The following KANSL2 variants were observed in gnomAD, a reference collection of about 807,000 sequenced individuals.
KANSL2 encodes the protein KAT8 regulatory NSL complex subunit 2.
In KANSL2, 34 loss-of-function variants were observed where a neutral mutation model predicts 55.6. That is an observed-to-expected ratio of 0.61 (90% CI 0.46 to 0.81). The LOEUF is 0.81. Ranked by LOEUF, KANSL2 falls within the 40% of genes least tolerant of loss-of-function variation. The pLI is 0.00. For synonymous variants in KANSL2, 209 were observed against 214.3 expected (o/e 0.98, Z 0.22); for missense variants, 502 against 609.9 (o/e 0.82, Z 1.86).
chr12:48,657,469 T>C (rs931847255), intron 8 of KANSL2, among the ~76,000 whole-genome samples: 7 of 151,982 alleles, frequency 4.6e-5, no homozygotes, highest in Non-Finnish European at 1.0e-4. Context: ...AGCAGAAACA[T>C]AGGGCACAGG....
At chr12:48,656,627 AAAAT>A (rs778642090) in intron 8 of KANSL2, 2 of 405,916 alleles carry the variant, frequency 4.9e-6, no homozygotes, top group African/African-American at 4.2e-5. Flanking sequence ...AAAAAAAAAA[AAAAT>A]GACATTACAT....
chr12:48,660,911 T>G (rs117417705), intron 7 of KANSL2, among the ~76,000 whole-genome samples: 5 of 152,272 alleles, frequency 3.3e-5, no homozygotes, highest in Admixed American at 6.5e-5. Flanking sequence ...CTTAAGCAAG[T>G]AGCAGTAACA....
At chr12:48,655,254 G>A (rs761676876) in intron 8 of KANSL2, among the ~76,000 whole-genome samples, 194 bp from the exon 9 acceptor site, 40 of 152,082 alleles carry the variant, frequency 2.6e-4, no homozygotes, top group Non-Finnish European at 5.0e-4. Context: ...TTGCTGCCAA[G>A]TGTAAAACAT....
chr12:48,658,068 T>TA (rs1205908293), intron 8 of KANSL2, among the ~76,000 whole-genome samples: 2 of 151,404 alleles, frequency 1.3e-5, no homozygotes, highest in East Asian at 2.0e-4. Flanking sequence ...CTGTCTCTAC[T>TA]AAAAATACAA....
chr12:48,681,118 TAAAAAAA>T (rs1057233108), intron 2 of KANSL2: 7 of 131,360 alleles, frequency 5.3e-5, no homozygotes, highest in African/African-American at 1.1e-4. Flanking sequence ...CCATCTCTCT[TAAAAAAA>T]AAAAAAAAAA....
intron 7 of KANSL2, 32 bp downstream of exon 7, chr12:48,667,661 C>G: frequency 6.6e-7 from 1 of 1,516,970 alleles, no homozygotes; most frequent in African/African-American, 1.4e-5. Context: ...AACTAGCAAA[C>G]CACAGCCTTA....
In KANSL2 at chr12:48,669,253, G is replaced by A; in HGVS notation, c.729C>T (p.Gly243=). The A allele has an allele frequency of 1.3e-6, 2 of 1,573,890 alleles. No individual in the cohort carries two copies. The highest frequency in any genetic ancestry group is 1.2e-5 in the South Asian group (1 of 85,294). ...HEALGSSLLT[G]PEGLLAKERE... ...GTTCTTTGGCCAAAAGTCCCTCTGG[G>A]CCAGTCAGGAGACTACTGCCTAGAG... Residue 243 remains glycine, a synonymous_variant, in exon 6 of 10, where the codon GGC becomes GGT. Coordinates refer to ENST00000420613, the MANE Select transcript of KANSL2 (RefSeq NM_017822.4).
At chr12:48,674,913 G>A (rs961741567) in intron 4 of KANSL2, among the ~76,000 whole-genome samples, 4 of 150,122 alleles carry the variant, frequency 2.7e-5, no homozygotes, top group Admixed American at 6.6e-5. Context: ...GCGACAGAAC[G>A]AGACTCTGTC....
intron 2 of KANSL2, chr12:48,680,173 C>T (rs1028835180): frequency 9.8e-5 from 18 of 184,222 alleles, no homozygotes; most frequent in African/African-American, 4.2e-4. Flanking sequence ...GATCCTCCTG[C>T]CTCAGCCTCA....
intron 9 of KANSL2, 143 bp from the exon 10 acceptor site, chr12:48,654,318 T>C (rs1047143212): frequency 6.6e-6 from 6 of 902,932 alleles, no homozygotes; most frequent in Non-Finnish European, 1.1e-5. Flanking sequence ...CTTCCCATAT[T>C]AGCTATCCTA....
intron 5 of KANSL2, among the ~76,000 whole-genome samples, chr12:48,671,239 T>C (rs1939707147): frequency 7.0e-6 from 1 of 143,292 alleles, no homozygotes; most frequent in African/African-American, 2.6e-5. Flanking sequence ...CACTCCAGCC[T>C]GGGCAACAGA....
chr12:48,674,898 C>T (rs1194973105), intron 4 of KANSL2, among the ~76,000 whole-genome samples: 2 of 151,030 alleles, frequency 1.3e-5, no homozygotes, highest in Non-Finnish European at 2.9e-5. Flanking sequence ...CGCGCTCCAG[C>T]CTGGGCGACA....
intron 9 of KANSL2, 129 bp downstream of exon 9, chr12:48,654,812 C>A: frequency 1.1e-6 from 1 of 896,096 alleles, no homozygotes; most frequent in Non-Finnish European, 1.7e-6. Context: ...AAGTGAGAGA[C>A]ATGTGGAGCA....
intron 4 of KANSL2, among the ~76,000 whole-genome samples, chr12:48,676,377 A>C (rs1939821569): frequency 6.6e-6 from 1 of 152,092 alleles, no homozygotes; most frequent in Non-Finnish European, 1.5e-5. Context: ...AAGTGCTAGG[A>C]TCACTGGGCG....
chr12:48,655,986 TA>T (rs1815282170), intron 8 of KANSL2, among the ~76,000 whole-genome samples: 1 of 152,172 alleles, frequency 6.6e-6, no homozygotes, highest in Admixed American at 6.6e-5. Context: ...AAATATTTTT[TA>T]AAAAAGCATA....
intron 8 of KANSL2, among the ~76,000 whole-genome samples, chr12:48,657,349 C>G (rs968094922): frequency 6.6e-5 from 10 of 152,076 alleles, no homozygotes; most frequent in African/African-American, 2.4e-4. Context: ...TGCTTGAACC[C>G]AGGAGGCAGA....
chr12:48,675,515 T>C (rs940992586), intron 4 of KANSL2, among the ~76,000 whole-genome samples: 2 of 152,238 alleles, frequency 1.3e-5, no homozygotes, highest in South Asian at 2.1e-4. Context: ...CTTAACCTAA[T>C]ATAGAGTTTG....
At chr12:48,680,269 C>G (rs1043142347) in intron 2 of KANSL2, among the ~76,000 whole-genome samples, 1 of 152,156 alleles carries the variant, frequency 6.6e-6, no homozygotes, top group Admixed American at 6.5e-5. Context: ...GTTGCCAAGT[C>G]TGGTCTGGAA....
intron 7 of KANSL2, among the ~76,000 whole-genome samples, chr12:48,664,090 T>A (rs1011992248): frequency 2.6e-5 from 4 of 151,876 alleles, no homozygotes; most frequent in Non-Finnish European, 5.9e-5. Flanking sequence ...AATTTTTGTA[T>A]ATTTAGTAGA....
Sources: allele counts gnomAD v4.1 joint callset (sites outside exome capture counted in the v4.1 genomes callset), GRCh38; gene constraint gnomAD v4.1.1; transcripts MANE v1.5; gene names NCBI Gene and HGNC (gene_info 2026-07-23, HGNC 2026-07-21).